Variants in SFSWAP observed in about 807,000 individuals in gnomAD.
The protein encoded by SFSWAP is splicing factor, suppressor of white-apricot homolog.
Under a neutral mutation model 100.7 loss-of-function variants are expected in SFSWAP, and 17 were observed. The observed-to-expected ratio is 0.17, with a 90% CI of 0.12 to 0.25. The LOEUF is 0.25. Among genes scored for constraint, SFSWAP ranks in the 10% least tolerant of loss-of-function variants. SFSWAP has a pLI of 1.00. For missense variants in SFSWAP, 1,005 were observed against 1,262.6 expected (o/e 0.80, Z 3.09); for synonymous variants, 504 against 510.1 (o/e 0.99, Z 0.16).
intron 13 of SFSWAP, among the ~76,000 whole-genome samples, chr12:131,774,997 G>C (rs781592679): frequency 6.6e-6 from 1 of 152,150 alleles, no homozygotes; most frequent in Non-Finnish European, 1.5e-5. Context: ...CTGGAGAGTT[G>C]ACTCCTCGCA....
At chr12:131,739,751 G>T (rs12314211) in intron 7 of SFSWAP, among the ~76,000 whole-genome samples, 1 of 151,684 alleles carries the variant, frequency 6.6e-6, no homozygotes, top group Non-Finnish European at 1.5e-5. Context: ...CACTGTACTA[G>T]CCAGGATGGT....
intron 7 of SFSWAP, 116 bp downstream of exon 7, chr12:131,728,544 C>A: frequency 2.6e-6 from 3 of 1,168,592 alleles, no homozygotes; most frequent in South Asian, 1.5e-5. Context: ...TGGAAGCAGG[C>A]GGCCCAGAGC....
intron 15 of SFSWAP, among the ~76,000 whole-genome samples, chr12:131,792,049 C>G (rs910825378): frequency 6.7e-6 from 1 of 149,574 alleles, no homozygotes; most frequent in Admixed American, 6.6e-5. Context: ...CGGATCAGTA[C>G]TGTGTGTGTG....
At chr12:131,793,910 G>T (rs10902449) in intron 15 of SFSWAP, among the ~76,000 whole-genome samples, 64,198 of 151,698 alleles carry the variant, frequency 0.42, 14,105 homozygotes, top group Non-Finnish European at 0.49. Context: ...GGACGGGCTC[G>T]GGGGAGAGTG....
intron 13 of SFSWAP, among the ~76,000 whole-genome samples, chr12:131,770,182 C>G (rs1217577676): frequency 1.3e-5 from 2 of 152,234 alleles, no homozygotes; most frequent in African/African-American, 4.8e-5. Flanking sequence ...ACTAAGTATT[C>G]TAGCATCTGC....
chr12:131,779,307 C>T (rs548415679), intron 14 of SFSWAP, among the ~76,000 whole-genome samples: 167 of 151,596 alleles, frequency 1.1e-3, no homozygotes, highest in Middle Eastern at 3.4e-3. Context: ...GTGAAGAGGG[C>T]GGCGCTGGTG....
intron 7 of SFSWAP, among the ~76,000 whole-genome samples, chr12:131,752,697 C>T (rs916696953): frequency 7.2e-5 from 11 of 152,286 alleles, no homozygotes; most frequent in South Asian, 4.1e-4. Flanking sequence ...GGTGTCAGCG[C>T]GGGGAGCTAG....
intron 1 of SFSWAP, chr12:131,712,222 T>C (rs1307751703): frequency 1.3e-5 from 2 of 152,240 alleles, no homozygotes; most frequent in African/African-American, 4.8e-5. Flanking sequence ...TCAAACCTGC[T>C]TTAGGTCGTC....
Position 131,728,271 on chromosome 12 carries a change from G to T in SFSWAP, c.946-22G>T, listed in dbSNP as rs116484519. ...ATGGTTCAGAATATTGAATGCTAAG[G>T]CTGTGTCTTCTCTGTTTCCAGCCCT... On this transcript the variant is annotated intron_variant, in intron 6 of 17. Transcript: ENST00000261674. The T allele has an allele frequency of 2.7e-3, 4,344 of 1,613,956 alleles. 94 individuals carry two copies. In the African/African-American group the frequency reaches 0.048, roughly 18 times the overall value.
At position 131,725,710 on chromosome 12, in the gene SFSWAP, T is replaced by G; in HGVS notation, c.832+80T>G. ...GCAGGCTGGGTGGTTCTGGGAAAAG[T>G]GTGAAGATACACATTCTTACAGATG... On this transcript the variant is annotated intron_variant, in intron 5 of 17. Transcript: ENST00000261674. The surrounding 1 kb of genome is among the most constrained non-coding windows in gnomAD (Gnocchi z 4.3). The G allele has an allele frequency of 9.7e-7, 1 of 1,028,848 alleles. No homozygotes were observed. The highest frequency in any genetic ancestry group is 1.5e-6 in the Non-Finnish European group (1 of 674,122). 63.7% of individuals were successfully genotyped at this position (1,028,848 alleles called of 1,614,324 possible).
chr12:131,757,702 T>C (rs573396566), intron 11 of SFSWAP, among the ~76,000 whole-genome samples: 3 of 152,218 alleles, frequency 2.0e-5, no homozygotes, highest in African/African-American at 7.2e-5. Context: ...ATGAGAATGG[T>C]GATCATTCAG....
chr12:131,777,792 T>C (rs751230889), intron 13 of SFSWAP, among the ~76,000 whole-genome samples: 9 of 152,190 alleles, frequency 5.9e-5, no homozygotes, highest in Non-Finnish European at 1.0e-4. Flanking sequence ...ACTCTAATAC[T>C]GTGCTCCTCT....
intron 13 of SFSWAP, among the ~76,000 whole-genome samples, chr12:131,768,247 A>G (rs570615741): frequency 6.6e-6 from 1 of 152,348 alleles, no homozygotes; most frequent in African/African-American, 2.4e-5. Flanking sequence ...CGTTGCTCCA[A>G]GTGGCCCCAC....
chr12:131,743,211 A>G (rs964810522), intron 7 of SFSWAP, among the ~76,000 whole-genome samples: 2 of 152,160 alleles, frequency 1.3e-5, no homozygotes, highest in African/African-American at 4.8e-5. Context: ...AAAACCAGTC[A>G]TGCTTTCCCA....
At chr12:131,723,335 C>G (rs1878662594) in intron 4 of SFSWAP, 1 of 152,130 alleles carries the variant, frequency 6.6e-6, no homozygotes, top group South Asian at 2.1e-4. Context: ...ACTTTGTTTT[C>G]TAAGTGATTG....
At chr12:131,758,091 A>G (rs1341232977) in intron 11 of SFSWAP, 1 of 152,874 alleles carries the variant, frequency 6.5e-6, no homozygotes, top group Non-Finnish European at 1.5e-5. Context: ...CTCACACCCC[A>G]GAACACAACC....
At chr12:131,728,542 G>C in intron 7 of SFSWAP, 114 bp downstream of exon 7, 1 of 1,214,688 alleles carries the variant, frequency 8.2e-7, no homozygotes, top group Non-Finnish European at 1.2e-6. Flanking sequence ...TATGGAAGCA[G>C]GCGGCCCAGA....
intron 15 of SFSWAP, 156 bp from the exon 16 acceptor site, chr12:131,797,022 T>C: frequency 3.1e-6 from 2 of 648,680 alleles, no homozygotes; most frequent in Admixed American, 5.0e-5. Context: ...ATGAAATAAG[T>C]AGCTTTAAGA....
intron 12 of SFSWAP, 77 bp downstream of exon 12, chr12:131,764,763 C>G (rs1268780534): frequency 9.9e-7 from 1 of 1,014,572 alleles, no homozygotes; most frequent in Non-Finnish European, 1.5e-6. Flanking sequence ...GCCAAAAAAT[C>G]TCGAGGCTGC....
Sources: allele counts gnomAD v4.1 joint callset (sites outside exome capture counted in the v4.1 genomes callset), GRCh38; gene constraint gnomAD v4.1.1; non-coding constraint Gnocchi (gnomAD v3.1); transcripts MANE v1.5; gene names NCBI Gene and HGNC (gene_info 2026-07-23, HGNC 2026-07-21).